The following FNIP2 variants were observed in gnomAD, a reference collection of about 807,000 sequenced individuals.
The protein encoded by FNIP2 is folliculin-interacting protein 2.
A neutral mutation model predicts 108.7 loss-of-function variants in FNIP2; 32 were observed. That is an observed-to-expected ratio of 0.29 (90% CI 0.22 to 0.40). The LOEUF (loss-of-function observed/expected upper bound fraction) is 0.40, where lower values mean the gene tolerates loss of function less well. Ranked by LOEUF, FNIP2 falls within the 10% of genes least tolerant of loss-of-function variation. The pLI is 1.00. For synonymous variants in FNIP2, 480 were observed against 496.7 expected (o/e 0.97, Z 0.45); for missense variants, 1,202 against 1,381.6 (o/e 0.87, Z 2.06).
chr4:158,773,834 G>A (rs1295767769), intron 1 of FNIP2, among the ~76,000 whole-genome samples: 6 of 152,100 alleles, frequency 3.9e-5, no homozygotes, highest in Admixed American at 6.6e-5. Flanking sequence ...TAGAGGTGAC[G>A]GGGTGTCAGA....
intron 7 of FNIP2, among the ~76,000 whole-genome samples, chr4:158,841,407 C>G (rs955605294): frequency 6.6e-6 from 1 of 152,056 alleles, no homozygotes; most frequent in African/African-American, 2.4e-5. Flanking sequence ...AGTTGAACAT[C>G]AAGAAACAAG....
chr4:158,866,562 C>G (rs987580794), intron 12 of FNIP2, among the ~76,000 whole-genome samples: 24 of 150,694 alleles, frequency 1.6e-4, no homozygotes, highest in African/African-American at 5.1e-4. Context: ...TTTGATTATA[C>G]AAAGATACAA....
At chr4:158,838,530 A>G (rs1778941500) in intron 7 of FNIP2, among the ~76,000 whole-genome samples, 1 of 152,156 alleles carries the variant, frequency 6.6e-6, no homozygotes, top group African/African-American at 2.4e-5. Flanking sequence ...CTAGGCCTGC[A>G]ATTTTTAACT....
In FNIP2 at chr4:158,769,332, CG is replaced by C; in HGVS notation, c.107+19del. 1.6e-5 allele frequency: 24 copies of C among 1,472,918 alleles called. No individual in the cohort carries two copies. The highest frequency in any genetic ancestry group is 5.7e-5 in the East Asian group (2 of 35,238). 91.2% of individuals were successfully genotyped at this position (1,472,918 alleles called of 1,614,324 possible). On this transcript the variant is annotated intron_variant, in intron 1 of 16. Transcript: ENST00000264433. ...GACCCGCCTTTAGGTGAGGGGGCGC[CG>C]GGGGGCAATTCTGGCGCGGGACCCG...
chr4:158,816,620 T>C (rs1174620181), intron 1 of FNIP2, among the ~76,000 whole-genome samples: 2 of 151,758 alleles, frequency 1.3e-5, no homozygotes, highest in Non-Finnish European at 2.9e-5. Context: ...CCCTCTCTAC[T>C]AAAAATACAA....
chr4:158,901,658 C>A (rs183159447), intron 16 of FNIP2, among the ~76,000 whole-genome samples: 1 of 152,126 alleles, frequency 6.6e-6, no homozygotes, highest in Non-Finnish European at 1.5e-5. Flanking sequence ...TTCACATAGT[C>A]TCATATTTCT....
At position 158,829,160 on chromosome 4, in the gene FNIP2, A is replaced by G. The variant is rs773240417; in HGVS notation, c.316A>G (p.Ile106Val). The change falls in exon 3 of 17, where the codon ATC becomes GTC. Residue 106 changes from isoleucine to valine, a missense_variant. By Grantham distance (29) the Ile-to-Val change is conservative (BLOSUM62 3). Transcript: ENST00000264433. ...TGTCAGCAGCAGTAGCAGCAGCAGC[A>G]TCTCTTCCCACAGTTCTTCTGGGGG... ...SSVSSSSSSS[I>V]SSHSSSGGSS... 19 of 1,613,314 alleles carry G rather than the reference A, an allele frequency of 1.2e-5. No homozygotes were observed. The South Asian group carries it at 2.0e-4, about 17-fold the overall frequency.
chr4:158,788,629 G>A (rs189272448), intron 1 of FNIP2, among the ~76,000 whole-genome samples: 1 of 152,340 alleles, frequency 6.6e-6, no homozygotes, highest in East Asian at 1.9e-4. Context: ...TCCCCTTTGG[G>A]AGAAGAAGCC....
intron 1 of FNIP2, among the ~76,000 whole-genome samples, chr4:158,789,716 A>T (rs927211557): frequency 6.6e-6 from 1 of 152,220 alleles, no homozygotes; most frequent in Non-Finnish European, 1.5e-5. Flanking sequence ...AGGAGCTAAC[A>T]GTACAGATGA....
At chr4:158,902,467 G>C (rs2126806194) in intron 16 of FNIP2, among the ~76,000 whole-genome samples, 1 of 152,356 alleles carries the variant, frequency 6.6e-6, no homozygotes, top group Admixed American at 6.5e-5. Context: ...AGGGGTCAGG[G>C]ATCCACTTGA....
intron 14 of FNIP2, among the ~76,000 whole-genome samples, chr4:158,885,037 T>TC (rs1178942786): frequency 6.6e-6 from 1 of 150,958 alleles, no homozygotes; most frequent in African/African-American, 2.4e-5. Flanking sequence ...GTGCCTGTAG[T>TC]CCCAGCTACT....
intron 15 of FNIP2, among the ~76,000 whole-genome samples, chr4:158,895,203 AAG>A (rs1444341947): frequency 9.2e-5 from 14 of 152,222 alleles, no homozygotes; most frequent in African/African-American, 3.1e-4. Context: ...TTGAAAGCAA[AAG>A]AAAAAAAAGT....
At chr4:158,785,713 T>TC (rs1776205530) in intron 1 of FNIP2, among the ~76,000 whole-genome samples, 2 of 151,040 alleles carry the variant, frequency 1.3e-5, no homozygotes, top group Admixed American at 6.6e-5. Context: ...TTTCTTTCTT[T>TC]TTTTTTTTTA....
Position 158,822,044 on chromosome 4 carries a change from C to T in FNIP2, c.108-3872C>T, listed in dbSNP as rs2881548. On this transcript the variant is annotated intron_variant, in intron 1 of 16. Transcript: ENST00000264433. ...TTGAGGCTATGGTGAACCGAGATGGCGCCACTGCACTCCAGCCTGGGCAAC... is the reference window on the plus strand; with the variant it reads ...TTGAGGCTATGGTGAACCGAGATGGTGCCACTGCACTCCAGCCTGGGCAAC... 4.8e-3 allele frequency among the ~76,000 whole-genome samples: 726 copies of T among 151,756 alleles called. 3 individuals carry two copies. In the Middle Eastern group the frequency reaches 0.051, roughly 11 times the overall value.
chr4:158,874,587 A>G (rs1034824431), intron 14 of FNIP2, among the ~76,000 whole-genome samples: 7 of 151,442 alleles, frequency 4.6e-5, no homozygotes, highest in Non-Finnish European at 7.4e-5. Context: ...CAAATGTTCA[A>G]TGCTTCAGTG....
At chr4:158,808,926 AC>A (rs1777120046) in intron 1 of FNIP2, among the ~76,000 whole-genome samples, 1 of 152,226 alleles carries the variant, frequency 6.6e-6, no homozygotes, top group African/African-American at 2.4e-5. Flanking sequence ...ACAGACGGAA[AC>A]AGTGCAGAAA....
intron 7 of FNIP2, among the ~76,000 whole-genome samples, chr4:158,847,383 A>T (rs775632835): frequency 1.3e-5 from 2 of 152,126 alleles, no homozygotes; most frequent in Non-Finnish European, 2.9e-5. Flanking sequence ...AGTAAAGAGG[A>T]CTTTGTCTTG....
chr4:158,845,931 A>AG (rs1358096943), intron 7 of FNIP2, among the ~76,000 whole-genome samples: 1 of 152,222 alleles, frequency 6.6e-6, no homozygotes, highest in Admixed American at 6.5e-5. Context: ...ATTCAGCAGG[A>AG]AAAAAGGAAT....
chr4:158,875,769 A>G (rs1781247714), intron 14 of FNIP2, among the ~76,000 whole-genome samples: 1 of 152,076 alleles, frequency 6.6e-6, no homozygotes, highest in Non-Finnish European at 1.5e-5. Flanking sequence ...ATGTTTGGAT[A>G]ATAAACATGG....
Sources: allele counts gnomAD v4.1 joint callset (sites outside exome capture counted in the v4.1 genomes callset), GRCh38; gene constraint gnomAD v4.1.1; transcripts MANE v1.5; gene names NCBI Gene and HGNC (gene_info 2026-07-23, HGNC 2026-07-21).